NRXN3: variants seen among roughly 807,000 people sequenced by gnomAD.
NRXN3 encodes the protein neurexin 3.
In NRXN3, 32 loss-of-function variants were observed where a neutral mutation model predicts 137.6. The ratio of observed to expected loss-of-function variants is 0.23; its 90% confidence interval spans 0.18 to 0.31. The LOEUF (loss-of-function observed/expected upper bound fraction) is 0.31, where lower values mean the gene tolerates loss of function less well. NRXN3 is among the 10% of genes least tolerant of loss of function. NRXN3 has a pLI of 1.00. For synonymous variants in NRXN3, 798 were observed against 784.5 expected (o/e 1.02, Z -0.29); for missense variants, 1,574 against 2,062.5 (o/e 0.76, Z 4.59).
intron 15 of NRXN3, among the ~76,000 whole-genome samples, chr14:78,988,851 G>A (rs2099512722): frequency 6.6e-6 from 1 of 151,914 alleles, no homozygotes; most frequent in African/African-American, 2.4e-5. Flanking sequence ...TTATGTATTT[G>A]GTTTTTATTG....
intron 4 of NRXN3, among the ~76,000 whole-genome samples, chr14:78,483,471 G>A (rs1442364282): frequency 6.6e-6 from 1 of 152,170 alleles, no homozygotes; most frequent in Non-Finnish European, 1.5e-5. Flanking sequence ...GACTCCAAGA[G>A]AGAATCCAAC....
chr14:78,208,425 ATTC>A (rs917036399), intron 1 of NRXN3, among the ~76,000 whole-genome samples: 4 of 151,986 alleles, frequency 2.6e-5, no homozygotes, highest in African/African-American at 4.8e-5. Flanking sequence ...TTGTCCCTGG[ATTC>A]TTCTTCTTCA....
Position 78,532,930 on chromosome 14 carries a change from C to T in NRXN3, c.758-112190C>T, listed in dbSNP as rs189085711. On this transcript the variant is annotated intron_variant, in intron 4 of 20. Transcript: ENST00000335750. Reference sequence around the variant, plus strand: ...CTATCTCAGCTAGCTGTCTCAGAAACGTCACATCTTCCACACCCATCAAGC... The same window carrying T: ...CTATCTCAGCTAGCTGTCTCAGAAATGTCACATCTTCCACACCCATCAAGC... 4.3e-4 allele frequency among the ~76,000 whole-genome samples: 66 copies of T among 152,138 alleles called. 1 individual carries two copies. Among genetic ancestry groups the T allele is most frequent in the African/African-American group, 1.6e-3 (66 of 41,528 alleles).
chr14:78,783,425 C>T (rs745371153), intron 8 of NRXN3, among the ~76,000 whole-genome samples: 9 of 151,836 alleles, frequency 5.9e-5, no homozygotes, highest in Non-Finnish European at 1.2e-4. Flanking sequence ...GGGAGCATGG[C>T]AAAATAATAG....
chr14:79,279,221 T>C (rs544819095), intron 15 of NRXN3: 61 of 396,680 alleles, frequency 1.5e-4, no homozygotes, highest in African/African-American at 1.2e-3. Flanking sequence ...GAGCCTGTGC[T>C]TGAATGGGAA....
Position 79,039,503 on chromosome 14 carries a change from C to T in NRXN3, c.3262+51362C>T, listed in dbSNP as rs1301907337. ...TCTGAGGGACAAGGCAGCTTTTGGA[C>T]CCAATTATGCATGCCTCTGAAACAC... On this transcript the variant is annotated intron_variant, in intron 15 of 20. Transcript: ENST00000335750. Among the ~76,000 whole-genome samples, 3 of 151,958 alleles carry T rather than the reference C, an allele frequency of 2.0e-5. No homozygotes were observed. In the East Asian group the frequency reaches 5.8e-4, roughly 29 times the overall value.
rs149894446 is a variant in NRXN3 at position 78,765,724 on chromosome 14, G to GATAT, written c.2045-37884_2045-37881dup. On this transcript the variant is annotated intron_variant, in intron 8 of 20. Coordinates refer to ENST00000335750, the MANE Select transcript of NRXN3 (RefSeq NM_001330195.2). Reference sequence around the variant, plus strand: ...AATGTTTGTTAAGTGAATAAATGTTGATATATATATATATACACACACACA... The same window carrying GATAT: ...AATGTTTGTTAAGTGAATAAATGTTGATATATATATATATATATACACACACACA... Among the ~76,000 whole-genome samples, 838 of 150,724 alleles carry GATAT rather than the reference G, an allele frequency of 5.6e-3. 21 individuals carry two copies. The East Asian group carries it at 0.069, about 12-fold the overall frequency.
At chr14:79,205,346 A>G (rs1214642634) in intron 15 of NRXN3, among the ~76,000 whole-genome samples, 1 of 152,144 alleles carries the variant, frequency 6.6e-6, no homozygotes, top group Non-Finnish European at 1.5e-5. Flanking sequence ...TAAAACTATA[A>G]TTTTTGAGCT....
At chr14:79,643,527 A>G (rs967084874) in intron 16 of NRXN3, among the ~76,000 whole-genome samples, 1 of 135,212 alleles carries the variant, frequency 7.4e-6, no homozygotes, top group African/African-American at 2.5e-5. Flanking sequence ...ACTTCCTAAT[A>G]CCAACTGAAG....
chr14:78,577,010 G>A (rs549461391), intron 4 of NRXN3, among the ~76,000 whole-genome samples: 20 of 152,224 alleles, frequency 1.3e-4, no homozygotes, highest in African/African-American at 4.8e-4. Flanking sequence ...GTCTTTTAAG[G>A]CTGCACAGTT....
intron 20 of NRXN3, among the ~76,000 whole-genome samples, chr14:79,835,919 T>A (rs2099340945): frequency 6.6e-6 from 1 of 152,114 alleles, no homozygotes; most frequent in South Asian, 2.1e-4. Flanking sequence ...GTATCCTACT[T>A]GGCCACTGGT....
In NRXN3 at chr14:79,773,409, A is replaced by G. The variant is rs1404756029; in HGVS notation, c.4015-31703A>G. 2.6e-5 allele frequency among the ~76,000 whole-genome samples: 4 copies of G among 152,202 alleles called. No homozygotes were observed. The East Asian group carries it at 7.7e-4, about 29-fold the overall frequency. On this transcript the variant is annotated intron_variant, in intron 19 of 20. Transcript: ENST00000335750. Reference sequence around the variant, plus strand: ...TCCACCAATGATCGACCAGATTAAGAAAATGTGGCACATATACACCATGGA... The same window carrying G: ...TCCACCAATGATCGACCAGATTAAGGAAATGTGGCACATATACACCATGGA...
At chr14:78,760,560 G>C (rs1595595601) in intron 8 of NRXN3, among the ~76,000 whole-genome samples, 2 of 150,330 alleles carry the variant, frequency 1.3e-5, no homozygotes, top group South Asian at 2.1e-4. Context: ...AGTGATAAAT[G>C]GATTTTTATA....
intron 15 of NRXN3, among the ~76,000 whole-genome samples, chr14:79,421,722 G>T (rs1441745032): frequency 6.6e-6 from 1 of 152,138 alleles, no homozygotes; most frequent in Non-Finnish European, 1.5e-5. Flanking sequence ...AATGTTATAA[G>T]GATCAGGCAG....
rs1597615542 is a variant in NRXN3 at position 78,349,350 on chromosome 14, A to C, written c.757+51490A>C. Among the ~76,000 whole-genome samples, 3 of 152,288 alleles carry C rather than the reference A, an allele frequency of 2.0e-5. No individual in the cohort carries two copies. In the South Asian group the frequency reaches 6.2e-4, roughly 32 times the overall value. ...ATACAGGACATTTTGACAGGCAGTTATTCATGGGGAGGCCTAACCTGATTT... is the reference window on the plus strand; with the variant it reads ...ATACAGGACATTTTGACAGGCAGTTCTTCATGGGGAGGCCTAACCTGATTT... On this transcript the variant is annotated intron_variant, in intron 4 of 20. Coordinates refer to ENST00000335750, the MANE Select transcript of NRXN3 (RefSeq NM_001330195.2).
rs147594728 is a variant in NRXN3 at position 79,244,462 on chromosome 14, G to T, written c.3263-222759G>T. ...CAGTTCAGCCTCATAACGCGTGAAC[G>T]TTATTTATCTTGAATGCTGCAAATT... On this transcript the variant is annotated intron_variant, in intron 15 of 20. Transcript: ENST00000335750. 2.1e-3 allele frequency among the ~76,000 whole-genome samples: 320 copies of T among 152,246 alleles called. 1 individual carries two copies. Among genetic ancestry groups the T allele is most frequent in the African/African-American group, 7.3e-3 (304 of 41,570 alleles).
intron 15 of NRXN3, among the ~76,000 whole-genome samples, chr14:79,165,928 G>T (rs972168443): frequency 6.6e-6 from 1 of 151,918 alleles, no homozygotes; most frequent in Non-Finnish European, 1.5e-5. Context: ...TTTGATTGCT[G>T]CACTCTAAGC....
chr14:78,354,559 C>T (rs867658106), intron 4 of NRXN3, among the ~76,000 whole-genome samples: 1 of 152,118 alleles, frequency 6.6e-6, no homozygotes, highest in African/African-American at 2.4e-5. Flanking sequence ...GATACAATCT[C>T]GAATGATCAT....
At chr14:78,708,540 G>C (rs12431582) in intron 6 of NRXN3, 76,529 of 152,022 alleles carry the variant, frequency 0.5, 22,476 homozygotes, top group Non-Finnish European at 0.64. Context: ...ACTGTAAGAG[G>C]GCACAGTGAA....
Sources: gnomAD v4.1 joint callset for allele counts (sites outside exome capture counted in the v4.1 genomes callset) on GRCh38, gnomAD v4.1.1 for gene constraint, MANE v1.5 for transcripts, NCBI Gene and HGNC (gene_info 2026-07-23, HGNC 2026-07-21) for gene names.